The following SRGAP2 variants were observed in gnomAD, a reference collection of about 807,000 sequenced individuals.
SRGAP2 encodes the protein SLIT-ROBO Rho GTPase activating protein 2.
Under a neutral mutation model 57.2 loss-of-function variants are expected in SRGAP2, and 15 were observed. That is an observed-to-expected ratio of 0.26 (90% CI 0.18 to 0.40). The LOEUF is 0.40. Ranked by LOEUF, SRGAP2 falls within the 10% of genes least tolerant of loss-of-function variation. The probability of loss-of-function intolerance (pLI) is 1.00; values close to 1 mark genes in which losing one functional copy is unlikely to be tolerated. For synonymous variants in SRGAP2, 249 were observed against 248.0 expected (o/e 1.00, Z -0.04); for missense variants, 520 against 669.6 (o/e 0.78, Z 2.47).
At chr1:206,347,890 G>C (rs1203097834) in intron 4 of SRGAP2, among the ~76,000 whole-genome samples, 5 of 151,550 alleles carry the variant, frequency 3.3e-5, no homozygotes, top group African/African-American at 1.2e-4. Context: ...GAATGAAATA[G>C]GGCAGCATGT....
intron 17 of SRGAP2, among the ~76,000 whole-genome samples, chr1:206,442,590 T>G (rs1260048101): frequency 6.6e-6 from 1 of 152,246 alleles, no homozygotes; most frequent in East Asian, 1.9e-4. Context: ...CAGCCACTAT[T>G]GAAGACAGCA....
At chr1:206,414,367 T>C (rs1659492530) in intron 10 of SRGAP2, among the ~76,000 whole-genome samples, 1 of 152,178 alleles carries the variant, frequency 6.6e-6, no homozygotes, top group Non-Finnish European at 1.5e-5. Context: ...TCACTCTTAA[T>C]CCTAAGTGGC....
At chr1:206,419,309 T>C in intron 11 of SRGAP2, 64 bp from the exon 12 acceptor site, 1 of 777,238 alleles carries the variant, frequency 1.3e-6, no homozygotes, top group African/African-American at 1.7e-5. Context: ...TTACTAGGAG[T>C]GGGTCTCCCT....
chr1:206,452,273 G>C (rs1663385400), intron 19 of SRGAP2, among the ~76,000 whole-genome samples: 1 of 152,082 alleles, frequency 6.6e-6, no homozygotes, highest in Non-Finnish European at 1.5e-5. Flanking sequence ...TACTTTTTTA[G>C]ATTACTTTCA....
intron 18 of SRGAP2, among the ~76,000 whole-genome samples, chr1:206,447,158 T>C (rs377499197): frequency 5.5e-4 from 83 of 152,082 alleles, no homozygotes; most frequent in African/African-American, 1.9e-3. Flanking sequence ...TCTCTTTTAA[T>C]CCCTAACGTC....
intron 2 of SRGAP2, among the ~76,000 whole-genome samples, chr1:206,249,996 T>C (rs1390778744): frequency 6.7e-6 from 1 of 148,528 alleles, no homozygotes; most frequent in African/African-American, 2.5e-5. Context: ...CAATGTCCTC[T>C]GTAAAAAGGA....
chr1:206,292,947 A>ATAGG lies in SRGAP2; in HGVS notation c.68-10332_68-10329dup, dbSNP rs1671409177. On this transcript the variant is annotated intron_variant, in intron 2 of 22. Coordinates refer to ENST00000573034, the MANE Select transcript of SRGAP2 (RefSeq NM_015326.5). Reference sequence around the variant, plus strand: ...TGTTTGTCCTTCTCACTGGTAACGAATAGGTGCTTGGTCCCTGCTTGTTGA... The same window carrying ATAGG: ...TGTTTGTCCTTCTCACTGGTAACGAATAGGTAGGTGCTTGGTCCCTGCTTGTTGA... 2.0e-5 allele frequency among the ~76,000 whole-genome samples: 3 copies of ATAGG among 151,762 alleles called. No individual in the cohort carries two copies. In the South Asian group the frequency reaches 6.2e-4, roughly 32 times the overall value.
intron 2 of SRGAP2, among the ~76,000 whole-genome samples, chr1:206,262,081 GA>G (rs1669588322): frequency 6.7e-6 from 1 of 150,000 alleles, no homozygotes; most frequent in South Asian, 2.1e-4. Context: ...AGCACTTTTA[GA>G]AAAAGAAGCA....
intron 13 of SRGAP2, among the ~76,000 whole-genome samples, chr1:206,428,804 A>C (rs1553367259): frequency 6.6e-6 from 1 of 152,174 alleles, no homozygotes; most frequent in South Asian, 2.1e-4. Flanking sequence ...CTGGGACCAC[A>C]GGTGTGCAAC....
intron 20 of SRGAP2, 149 bp downstream of exon 20, chr1:206,453,529 C>G (rs59810844): frequency 0.62 from 236,152 of 383,516 alleles, 71,451 homozygotes; most frequent in East Asian, 0.8. Context: ...TTGAAGAGCA[C>G]CCCCCCCACC....
chr1:206,268,450 A>G (rs1417311274), intron 2 of SRGAP2, among the ~76,000 whole-genome samples: 3 of 152,014 alleles, frequency 2.0e-5, no homozygotes, highest in African/African-American at 7.3e-5. Context: ...AACATGGAAT[A>G]TATTTTAAGA....
rs567628421 is a variant in SRGAP2 at position 206,257,780 on chromosome 1, G to C, written c.68-45501G>C. On this transcript the variant is annotated intron_variant, in intron 2 of 22. Coordinates refer to ENST00000573034, the MANE Select transcript of SRGAP2 (RefSeq NM_015326.5). ...TACTATATATATACATGCAACAAAT[G>C]ATATTTTTTCAGATGGTGATAAGTA... 3.1e-4 allele frequency among the ~76,000 whole-genome samples: 40 copies of C among 129,226 alleles called. 1 individual carries two copies. Among genetic ancestry groups the C allele is most frequent in the Middle Eastern group, 3.7e-3 (1 of 270 alleles). The allele number at this position is 129,226 out of a possible 152,430, so 84.8% of individuals were successfully genotyped here.
intron 3 of SRGAP2, among the ~76,000 whole-genome samples, chr1:206,306,977 AAC>A (rs1207135816): frequency 4.0e-5 from 6 of 151,528 alleles, no homozygotes; most frequent in African/African-American, 1.5e-4. Context: ...TCTTGAGCTA[AAC>A]ACAGGGTGCT....
intron 1 of SRGAP2, 131 bp downstream of exon 1, chr1:206,203,781 C>G: frequency 1.3e-6 from 2 of 1,519,348 alleles, no homozygotes; most frequent in Non-Finnish European, 1.8e-6. Flanking sequence ...GCGGTGCCGC[C>G]CGGAATCCCT....
rs1468280979 is a variant in SRGAP2, at chr1:206,463,462, T to G, written c.*2042T>G. 1 of 152,632 alleles carries G rather than the reference T, an allele frequency of 6.6e-6. No homozygotes were observed. The highest frequency in any genetic ancestry group is 1.5e-5 in the Non-Finnish European group (1 of 68,032). The allele number at this position is 152,632 out of a possible 1,614,324, so 9.5% of individuals were successfully genotyped here. A position where few individuals can be genotyped will look rare whatever the true frequency, so the allele number is the denominator to read the frequency against. Reference sequence around the variant, plus strand: ...CACTTTACATTCCTTTCAATCCAACTGATCAAAACTGGTACCCACACTTGC... The same window carrying G: ...CACTTTACATTCCTTTCAATCCAACGGATCAAAACTGGTACCCACACTTGC... On this transcript the variant is annotated 3_prime_UTR_variant, in exon 23 of 23. Transcript: ENST00000573034.
chr1:206,363,759 C>T (rs572205774), intron 4 of SRGAP2, among the ~76,000 whole-genome samples: 8 of 152,296 alleles, frequency 5.3e-5, no homozygotes, highest in African/African-American at 1.9e-4. Flanking sequence ...TTGGCAAGAA[C>T]ACCGTAGAAG....
intron 2 of SRGAP2, 63 bp from the exon 3 acceptor site, chr1:206,303,218 T>C: frequency 1.7e-6 from 2 of 1,144,248 alleles, no homozygotes; most frequent in Non-Finnish European, 2.4e-6. Context: ...GGGTGAATAT[T>C]GGCATGCATG....
At chr1:206,349,510 CAAAA>C (rs1217837762) in intron 4 of SRGAP2, among the ~76,000 whole-genome samples, 6 of 127,088 alleles carry the variant, frequency 4.7e-5, no homozygotes, top group Admixed American at 7.9e-5. Context: ...ATGCCTCCCT[CAAAA>C]AAAAAAAAAA....
rs1305555910 is a variant in SRGAP2, at chr1:206,281,924, A to C, written c.68-21357A>C. On this transcript the variant is annotated intron_variant, in intron 2 of 22. Coordinates refer to ENST00000573034, the MANE Select transcript of SRGAP2 (RefSeq NM_015326.5). The stretch of plus-strand genomic sequence containing the variant: ...GTGAGACTCCGTCACAAAAAAAAAA[A>C]CAAAAAAAAACCTTTTCTTTGTTGG... Among the ~76,000 whole-genome samples the C allele has an allele frequency of 3.2e-3, 466 of 147,706 alleles. 33 individuals carry two copies. Among genetic ancestry groups the C allele is most frequent in the African/African-American group, 0.011 (448 of 40,318 alleles).
Sources: gnomAD v4.1 joint callset for allele counts (sites outside exome capture counted in the v4.1 genomes callset) on GRCh38, gnomAD v4.1.1 for gene constraint, MANE v1.5 for transcripts, NCBI Gene and HGNC (gene_info 2026-07-23, HGNC 2026-07-21) for gene names.